The following GFOD1 variants were observed in gnomAD, a reference collection of about 807,000 sequenced individuals.
GFOD1 encodes glucose-fructose oxidoreductase domain-containing protein 1.
In GFOD1, 9 loss-of-function variants were observed where a neutral mutation model predicts 25.4. That is an observed-to-expected ratio of 0.35 (90% CI 0.21 to 0.62). The LOEUF is 0.62. GFOD1 is among the 20% of genes least tolerant of loss of function. The probability of loss-of-function intolerance (pLI) is 0.72; values close to 1 mark genes in which losing one functional copy is unlikely to be tolerated. For missense variants in GFOD1, 403 were observed against 556.9 expected, an observed-to-expected ratio of 0.72 and a Z score of 2.78; for synonymous variants, 253 against 245.6, an observed-to-expected ratio of 1.03 and a Z score of -0.28.
chr6:13,408,222 C>T (rs1584633786), intron 1 of GFOD1: 6 of 379,934 alleles, frequency 1.6e-5, no homozygotes, highest in Non-Finnish European at 2.2e-5. Context: ...CTATGGCAGG[C>T]AAAGGTTAAT....
In GFOD1 at chr6:13,363,807, G is replaced by A. The variant is rs1784987883; in HGVS notation, c.*936C>T. On this transcript the variant is annotated 3_prime_UTR_variant, in exon 2 of 2. Coordinates refer to ENST00000379287, the MANE Select transcript of GFOD1 (RefSeq NM_018988.4). Reference sequence around the variant, plus strand: ...TTTGGGGGCAGCATATGAGCTTATGGCCAAACCCATACTTTGTGCTGTCTT... The same window carrying A: ...TTTGGGGGCAGCATATGAGCTTATGACCAAACCCATACTTTGTGCTGTCTT... 1 of 152,086 alleles carries A rather than the reference G, an allele frequency of 6.6e-6. No homozygotes were observed. The highest frequency in any genetic ancestry group is 1.9e-4 in the East Asian group (1 of 5,180). 9.4% of individuals were successfully genotyped at this position (152,086 alleles called of 1,614,324 possible).
At chr6:13,454,114 G>T (rs1322972185) in intron 1 of GFOD1, among the ~76,000 whole-genome samples, 1 of 152,152 alleles carries the variant, frequency 6.6e-6, no homozygotes, top group Non-Finnish European at 1.5e-5. Context: ...CACTGAACAT[G>T]AAAGCAGAGA....
chr6:13,431,699 G>A (rs1384407326), intron 1 of GFOD1, among the ~76,000 whole-genome samples: 1 of 152,184 alleles, frequency 6.6e-6, no homozygotes, highest in Non-Finnish European at 1.5e-5. Flanking sequence ...TCTGTGATGA[G>A]AAAGAAACCA....
intron 1 of GFOD1, among the ~76,000 whole-genome samples, chr6:13,422,834 G>C (rs1270953766): frequency 1.3e-5 from 2 of 152,184 alleles, no homozygotes; most frequent in Admixed American, 6.5e-5. Context: ...GAAGTGCCCT[G>C]GTGGGAATGT....
chr6:13,484,143 C>T (rs1758814466), intron 1 of GFOD1, among the ~76,000 whole-genome samples: 1 of 152,132 alleles, frequency 6.6e-6, no homozygotes, highest in South Asian at 2.1e-4. Context: ...CTAGACCACA[C>T]TTTGTAGGGT....
At chr6:13,380,901 C>T (rs55922211) in intron 1 of GFOD1, among the ~76,000 whole-genome samples, 11,498 of 152,234 alleles carry the variant, frequency 0.076, 647 homozygotes, top group Non-Finnish European at 0.12. Flanking sequence ...GGAATGTTTA[C>T]AAAGCATCTG....
intron 1 of GFOD1, among the ~76,000 whole-genome samples, chr6:13,478,711 T>A (rs903184290): frequency 1.3e-5 from 2 of 152,166 alleles, no homozygotes; most frequent in African/African-American, 4.8e-5. Flanking sequence ...TGTTCATATT[T>A]GGGAGCTGCG....
rs1207214504 is a variant in GFOD1, at chr6:13,486,997, C to CCG, written c.-109_-108dup. 1 of 1,365,520 alleles carries CCG rather than the reference C, an allele frequency of 7.3e-7. No homozygotes were observed. The highest frequency in any genetic ancestry group is 9.8e-7 in the Non-Finnish European group (1 of 1,018,434). The allele number at this position is 1,365,520 out of a possible 1,614,324, so 84.6% of individuals were successfully genotyped here. A position where few individuals can be genotyped will look rare whatever the true frequency, so the allele number is the denominator to read the frequency against. On this transcript the variant is annotated 5_prime_UTR_variant, in exon 1 of 2. Transcript: ENST00000379287. The stretch of plus-strand genomic sequence containing the variant: ...CACCCCGCTCCTGTAGCCAATCTAG[C>CCG]CGCGGTGCGCCAGCCGCCGTGCACC...
rs537536062 is a variant in GFOD1 at position 13,449,131 on chromosome 6, A to C, written c.253+37507T>G. On this transcript the variant is annotated intron_variant, in intron 1 of 1. Coordinates refer to ENST00000379287, the MANE Select transcript of GFOD1 (RefSeq NM_018988.4). ...GTGAGACACCGTCTCTACAAAAAAA[A>C]CATTTTTAAATTAGCCAGGCATGGT... Among the ~76,000 whole-genome samples, 14 of 152,306 alleles carry C rather than the reference A, an allele frequency of 9.2e-5. No individual in the cohort carries two copies. The South Asian group carries it at 2.7e-3, about 29-fold the overall frequency.
At chr6:13,481,246 T>A (rs182153671) in intron 1 of GFOD1, among the ~76,000 whole-genome samples, 19 of 152,284 alleles carry the variant, frequency 1.2e-4, no homozygotes, top group African/African-American at 4.1e-4. Flanking sequence ...CAGAAAGGCC[T>A]CTCGCCCAAA....
rs144860821 is a variant in GFOD1, at chr6:13,384,903, C to T, written c.254-19241G>A. Among the ~76,000 whole-genome samples, 345 of 152,288 alleles carry T rather than the reference C, an allele frequency of 2.3e-3. 2 individuals are homozygous for T. The highest frequency in any genetic ancestry group is 7.8e-3 in the African/African-American group (326 of 41,554). ...GACTTCCTTGCCCATGAGGTTGGGG[C>T]TCCGTTTTATTGAAGCTTGAATCTA... On this transcript the variant is annotated intron_variant, in intron 1 of 1. Transcript: ENST00000379287.
intron 1 of GFOD1, among the ~76,000 whole-genome samples, chr6:13,467,964 A>G (rs1456190610): frequency 6.6e-6 from 1 of 152,232 alleles, no homozygotes; most frequent in African/African-American, 2.4e-5. Context: ...GCAGCTGGGA[A>G]CAGCCAGTCC....
At chr6:13,402,414 A>G (rs565162520) in intron 1 of GFOD1, among the ~76,000 whole-genome samples, 2 of 152,360 alleles carry the variant, frequency 1.3e-5, no homozygotes, top group South Asian at 4.1e-4. Flanking sequence ...ATGGTAGAAT[A>G]TATTTGCCAG....
intron 1 of GFOD1, among the ~76,000 whole-genome samples, chr6:13,477,081 C>T (rs775190157): frequency 2.0e-5 from 3 of 152,128 alleles, no homozygotes; most frequent in Non-Finnish European, 2.9e-5. Context: ...CACCCACCAG[C>T]GGAACTAACC....
At chr6:13,405,480 T>G (rs1396625749) in intron 1 of GFOD1, among the ~76,000 whole-genome samples, 1 of 152,248 alleles carries the variant, frequency 6.6e-6, no homozygotes, top group Non-Finnish European at 1.5e-5. Flanking sequence ...CAGCACATCT[T>G]AATTTGGACT....
intron 1 of GFOD1, among the ~76,000 whole-genome samples, chr6:13,409,857 A>C (rs1786038433): frequency 6.7e-6 from 1 of 148,998 alleles, no homozygotes; most frequent in African/African-American, 2.5e-5. Context: ...CGGGAGGCAG[A>C]GGTTGCAGTG....
chr6:13,428,504 C>G (rs564977110), intron 1 of GFOD1, among the ~76,000 whole-genome samples: 1 of 64,030 alleles, frequency 1.6e-5, no homozygotes, highest in East Asian at 3.7e-4. Flanking sequence ...CTCAGGCCCC[C>G]AGTGCGATGC....
At chr6:13,432,235 T>TA (rs1757762471) in intron 1 of GFOD1, among the ~76,000 whole-genome samples, 1 of 151,790 alleles carries the variant, frequency 6.6e-6, no homozygotes, top group East Asian at 1.9e-4. Flanking sequence ...TTTCTTTTTT[T>TA]TTTTTTTTGA....
intron 1 of GFOD1, among the ~76,000 whole-genome samples, chr6:13,483,422 C>T (rs6911516): frequency 0.026 from 4,002 of 152,244 alleles, 172 homozygotes; most frequent in African/African-American, 0.091. Flanking sequence ...GCTGGGCTCA[C>T]TTCTTCAGGA....
Sources: allele counts gnomAD v4.1 joint callset (sites outside exome capture counted in the v4.1 genomes callset), GRCh38; gene constraint gnomAD v4.1.1; transcripts MANE v1.5; gene names NCBI Gene and HGNC (gene_info 2026-07-23, HGNC 2026-07-21).